The following ABCA13 variants were observed in gnomAD, a reference collection of about 807,000 sequenced individuals.
The protein encoded by ABCA13 is ATP binding cassette subfamily A member 13.
A neutral mutation model predicts 478.7 loss-of-function variants in ABCA13; 476 were observed. That is an observed-to-expected ratio of 0.99 (90% CI 0.92 to 1.07). The LOEUF is 1.07. ABCA13 is among the 50% of genes least tolerant of loss of function. The pLI is 0.00. For missense variants in ABCA13, 6,060 were observed against 5,910.6 expected (o/e 1.03, Z -0.83); for synonymous variants, 2,252 against 2,158.9 (o/e 1.04, Z -1.20).
At chr7:48,185,455 A>C (rs530106088) in intron 1 of ABCA13, among the ~76,000 whole-genome samples, 30 of 152,364 alleles carry the variant, frequency 2.0e-4, no homozygotes, top group African/African-American at 7.0e-4. Flanking sequence ...ATCAAAGCAA[A>C]TAAAACAAAA....
Position 48,221,636 on chromosome 7 carries a change from TA to T in ABCA13, c.468+329del, listed in dbSNP as rs148672692. On this transcript the variant is annotated intron_variant, in intron 5 of 61. Coordinates refer to ENST00000435803, the MANE Select transcript of ABCA13 (RefSeq NM_152701.5). ...TGGTCTGAGATTTGTGCTTGGCACA[TA>T]AGCGGTGACTCCCTCGAGGCACGAA... 2.5e-3 allele frequency among the ~76,000 whole-genome samples: 377 copies of T among 152,356 alleles called. 5 individuals carry two copies. Among genetic ancestry groups the T allele is most frequent in the African/African-American group, 8.6e-3 (359 of 41,592 alleles).
Position 48,239,420 on chromosome 7 carries a change from C to A in ABCA13, c.1062+15C>A. The A allele has an allele frequency of 6.2e-7, 1 of 1,602,448 alleles. No individual in the cohort carries two copies. The highest frequency in any genetic ancestry group is 2.2e-5 in the East Asian group (1 of 44,762). On this transcript the variant is annotated intron_variant, in intron 9 of 61. Transcript: ENST00000435803. Reference sequence around the variant, plus strand: ...TCTACCAACAGGTGCTGTCCCCTCTCTCTATGTTCTGTTCAAAGGTGTGCC... The same window carrying A: ...TCTACCAACAGGTGCTGTCCCCTCTATCTATGTTCTGTTCAAAGGTGTGCC...
At chr7:48,483,279 TACTAAGCATCAAG>T in intron 47 of ABCA13, 116 bp downstream of exon 47, 1 of 855,366 alleles carries the variant, frequency 1.2e-6, no homozygotes, top group Non-Finnish European at 1.8e-6. Context: ...AATCATTTGT[TACTAAGCATCAAG>T]GAAAATTATA....
intron 55 of ABCA13, among the ~76,000 whole-genome samples, chr7:48,574,458 T>TG (rs1787969664): frequency 6.6e-6 from 1 of 152,164 alleles, no homozygotes. Flanking sequence ...GTTATAAATT[T>TG]GATAGGTTTA....
In ABCA13 at chr7:48,511,129, G is replaced by A. The variant is rs1163099421; in HGVS notation, c.13570G>A (p.Ala4524Thr). ...CTGCCTGTGTGTTGCCGTTATTGTC[G>A]CCTTCCAGTTAACAGCTTTTACTTT... is the stretch of plus-strand genomic sequence containing the variant. ...SVCLCVAVIV[A>T]FQLTAFTFRK... The change falls in exon 51 of 62, where the codon GCC (alanine) becomes ACC (threonine). Residue 4524 changes from alanine (A) to threonine (T), a missense_variant. This residue lies in a region of ABCA13 where 1,627 missense variants were observed against 1,571.0 expected (regional missense o/e 1.04). Coordinates refer to ENST00000435803, the MANE Select transcript of ABCA13 (RefSeq NM_152701.5). 3 of 1,613,306 alleles carry A rather than the reference G, an allele frequency of 1.9e-6. No homozygotes were observed. The highest frequency in any genetic ancestry group is 2.5e-6 in the Non-Finnish European group (3 of 1,179,584).
chr7:48,485,011 T>C (rs1829147941), intron 47 of ABCA13, among the ~76,000 whole-genome samples: 1 of 152,240 alleles, frequency 6.6e-6, no homozygotes, highest in African/African-American at 2.4e-5. Flanking sequence ...AATTTGCATA[T>C]GAATAGGCTT....
intron 44 of ABCA13, among the ~76,000 whole-genome samples, chr7:48,468,811 A>G (rs17662528): frequency 0.16 from 24,338 of 152,206 alleles, 2,454 homozygotes; most frequent in East Asian, 0.23. Context: ...CAATGGTGCT[A>G]TGTTGAACTT....
At position 48,357,873 on chromosome 7, in the gene ABCA13, G is replaced by C. The variant is rs573120616; in HGVS notation, c.10688+5386G>C. Reference sequence around the variant, plus strand: ...TCTGGTATGTTTTCGGCCGGGTGTGGTGGCTCACACCTGTAATTCCAGCAC... The same window carrying C: ...TCTGGTATGTTTTCGGCCGGGTGTGCTGGCTCACACCTGTAATTCCAGCAC... On this transcript the variant is annotated intron_variant, in intron 31 of 61. Coordinates refer to ENST00000435803, the MANE Select transcript of ABCA13 (RefSeq NM_152701.5). Among the ~76,000 whole-genome samples, 3 of 151,944 alleles carry C rather than the reference G, an allele frequency of 2.0e-5. No individual in the cohort carries two copies. In the South Asian group the frequency reaches 6.2e-4, roughly 32 times the overall value.
In ABCA13 at chr7:48,328,844, T is replaced by C. The variant is rs527358460; in HGVS notation, c.10000-6578T>C. 2.6e-4 allele frequency among the ~76,000 whole-genome samples: 40 copies of C among 152,278 alleles called. 1 individual carries two copies. The highest frequency in any genetic ancestry group is 2.3e-3 in the Admixed American group (35 of 15,302). The stretch of plus-strand genomic sequence containing the variant: ...AAATGAGATATCCACAAATGAGATA[T>C]CATATCAAAATGCTAAAGGCTCACA... On this transcript the variant is annotated intron_variant, in intron 27 of 61. Transcript: ENST00000435803.
intron 57 of ABCA13, among the ~76,000 whole-genome samples, chr7:48,593,051 C>T (rs1235021074): frequency 6.6e-6 from 1 of 151,988 alleles, no homozygotes; most frequent in Non-Finnish European, 1.5e-5. Context: ...TTGGCAAATG[C>T]TGTCTATTTA....
At chr7:48,332,003 C>G (rs1405531133) in intron 27 of ABCA13, among the ~76,000 whole-genome samples, 1 of 152,162 alleles carries the variant, frequency 6.6e-6, no homozygotes, top group Non-Finnish European at 1.5e-5. Context: ...CAGCATGTAA[C>G]CATTTGGGAT....
At chr7:48,588,421 T>C (rs1365455364) in intron 57 of ABCA13, among the ~76,000 whole-genome samples, 2 of 152,226 alleles carry the variant, frequency 1.3e-5, no homozygotes, top group Non-Finnish European at 2.9e-5. Context: ...CTTAGTTGAA[T>C]GAAGGGGCCT....
At chr7:48,364,880 A>G (rs1023907695) in intron 31 of ABCA13, among the ~76,000 whole-genome samples, 1 of 152,152 alleles carries the variant, frequency 6.6e-6, no homozygotes, top group Non-Finnish European at 1.5e-5. Flanking sequence ...GGGAGTGCAC[A>G]TATCTCTTCG....
At chr7:48,232,166 G>GTTTTTTTTTTTTTTTT (rs1789240529) in intron 7 of ABCA13, among the ~76,000 whole-genome samples, 1 of 14,284 alleles carries the variant, frequency 7.0e-5, no homozygotes, top group Non-Finnish European at 1.6e-4. Flanking sequence ...TTTTTTTTTA[G>GTTTTTTTTTTTTTTTT]CTTTCTGTAA....
chr7:48,424,235 TTAA>T (rs1821125678), intron 41 of ABCA13, among the ~76,000 whole-genome samples: 3 of 152,244 alleles, frequency 2.0e-5, no homozygotes, highest in South Asian at 2.1e-4. Flanking sequence ...TTTTATACTC[TTAA>T]TAAGAATATT....
chr7:48,410,564 G>A lies in ABCA13; in HGVS notation c.12115G>A (p.Ala4039Thr), dbSNP rs1489098916. 6.2e-7 allele frequency: 1 copy of A among 1,613,908 alleles called. No homozygotes were observed. Among genetic ancestry groups the A allele is most frequent in the Admixed American group, 1.7e-5 (1 of 60,010 alleles). The stretch of plus-strand genomic sequence containing the variant: ...AACCCACCACCTGGATGAAGCTGAA[G>A]CGCTGAGTGACCGCGTGGCCGTCCT... ...FTTHHLDEAE[A>T]LSDRVAVLQH... Residue 4039 changes from alanine to threonine, a missense_variant, in exon 40 of 62, where the codon GCG becomes ACG. Coordinates refer to ENST00000435803, the MANE Select transcript of ABCA13 (RefSeq NM_152701.5).
chr7:48,308,188 C>T (rs988481889), intron 23 of ABCA13, among the ~76,000 whole-genome samples: 1 of 152,086 alleles, frequency 6.6e-6, no homozygotes, highest in Non-Finnish European at 1.5e-5. Flanking sequence ...TCTAGGCCTA[C>T]ATGAGGTCAG....
At chr7:48,565,546 G>A (rs1028935805) in intron 55 of ABCA13, among the ~76,000 whole-genome samples, 1 of 151,944 alleles carries the variant, frequency 6.6e-6, no homozygotes, top group East Asian at 1.9e-4. Flanking sequence ...CTTTAAACCG[G>A]GGGGATAAAC....
chr7:48,391,422 A>G (rs944212075), intron 37 of ABCA13, among the ~76,000 whole-genome samples: 1 of 152,244 alleles, frequency 6.6e-6, no homozygotes, highest in East Asian at 1.9e-4. Flanking sequence ...TAGAAACCAT[A>G]GTCTGAGGAC....
Sources: gnomAD v4.1 joint callset for allele counts (sites outside exome capture counted in the v4.1 genomes callset) on GRCh38, gnomAD v4.1.1 for gene constraint, gnomAD v4.1.1 regional missense constraint, MANE v1.5 for transcripts, NCBI Gene and HGNC (gene_info 2026-07-23, HGNC 2026-07-21) for gene names.